The following FHIT variants were observed in gnomAD, a reference collection of about 807,000 sequenced individuals.
FHIT encodes the protein fragile histidine triad diadenosine triphosphatase.
Under a neutral mutation model 17.9 loss-of-function variants are expected in FHIT, and 19 were observed. The ratio of observed to expected loss-of-function variants is 1.06; its 90% CI spans 0.74 to 1.56. The LOEUF is 1.56. FHIT is among the 40% of genes most tolerant of loss of function. The probability of loss-of-function intolerance (pLI) is 0.00; values close to 1 mark genes in which losing one functional copy is unlikely to be tolerated. For missense variants in FHIT, 248 were observed against 189.2 expected, an observed-to-expected ratio of 1.31 and a Z score of -1.82; for synonymous variants, 81 against 69.7, an observed-to-expected ratio of 1.16 and a Z score of -0.81.
At chr3:61,165,299 G>A (rs2037804835) in intron 2 of FHIT, among the ~76,000 whole-genome samples, 1 of 152,100 alleles carries the variant, frequency 6.6e-6, no homozygotes, top group African/African-American at 2.4e-5. Flanking sequence ...TCACCAACAT[G>A]TGTTGTTTTT....
intron 3 of FHIT, among the ~76,000 whole-genome samples, chr3:61,008,759 T>C (rs1379918946): frequency 1.3e-5 from 2 of 152,198 alleles, no homozygotes; most frequent in African/African-American, 4.8e-5. Context: ...TGGCCCACAT[T>C]GGCAATTAAC....
intron 5 of FHIT, among the ~76,000 whole-genome samples, chr3:60,380,523 C>T (rs150475915): frequency 6.6e-6 from 1 of 152,206 alleles, no homozygotes; most frequent in African/African-American, 2.4e-5. Flanking sequence ...CATTTTACAG[C>T]GAGGATACTG....
intron 8 of FHIT, among the ~76,000 whole-genome samples, chr3:59,853,414 G>T (rs1702022536): frequency 6.6e-6 from 1 of 152,108 alleles, no homozygotes; most frequent in Admixed American, 6.6e-5. Flanking sequence ...TATCATTGAG[G>T]TACATCTTGT....
intron 5 of FHIT, among the ~76,000 whole-genome samples, chr3:60,321,515 TCTTCA>T (rs1311593811): frequency 6.6e-6 from 1 of 152,102 alleles, no homozygotes; most frequent in Non-Finnish European, 1.5e-5. Context: ...TAAAAGGTTA[TCTTCA>T]CTTAAGAGAT....
Position 60,536,971 on chromosome 3 carries a change from A to G in FHIT, c.-9T>C. The G allele has an allele frequency of 6.3e-7, 1 of 1,599,484 alleles. No individual in the cohort carries two copies. The highest frequency in any genetic ancestry group is 8.5e-7 in the Non-Finnish European group (1 of 1,175,460). ...CCAAATCTGAACGACATGTCCTCAC[A>G]GTTGAAGTCTAAAAGAAAAGACAAT... is the stretch of plus-strand genomic sequence containing the variant. On this transcript the variant is annotated 5_prime_UTR_variant, in exon 5 of 10. Coordinates refer to ENST00000492590, the MANE Select transcript of FHIT (RefSeq NM_002012.4).
At chr3:60,378,796 T>C (rs537827862) in intron 5 of FHIT, among the ~76,000 whole-genome samples, 1 of 152,314 alleles carries the variant, frequency 6.6e-6, no homozygotes, top group East Asian at 1.9e-4. Context: ...GGATGCAGAG[T>C]TCACAGTGAT....
chr3:60,553,109 A>C (rs2036614951), intron 4 of FHIT, among the ~76,000 whole-genome samples: 1 of 152,204 alleles, frequency 6.6e-6, no homozygotes, highest in Non-Finnish European at 1.5e-5. Context: ...GAATGGGTAA[A>C]TAATTATCTT....
chr3:60,124,007 TATAGAGAGAGAGAGAG>T (rs1229171138), intron 5 of FHIT, among the ~76,000 whole-genome samples: 9 of 17,770 alleles, frequency 5.1e-4, no homozygotes, highest in African/African-American at 1.6e-3. Flanking sequence ...TATATATATA[TATAGAGAGAGAGAGAG>T]AGAGAGAGAG....
intron 3 of FHIT, among the ~76,000 whole-genome samples, chr3:60,885,213 A>T (rs1705170157): frequency 6.6e-6 from 1 of 152,200 alleles, no homozygotes; most frequent in Admixed American, 6.5e-5. Context: ...TGTTCCTAAC[A>T]CAAAGAAATG....
chr3:61,070,216 A>G (rs1418029998), intron 2 of FHIT, among the ~76,000 whole-genome samples: 1 of 152,178 alleles, frequency 6.6e-6, no homozygotes, highest in African/African-American at 2.4e-5. Flanking sequence ...TTTGATTGGC[A>G]TGGTACCAGG....
intron 2 of FHIT, among the ~76,000 whole-genome samples, chr3:61,153,100 G>A (rs1002876444): frequency 2.7e-5 from 4 of 146,598 alleles, no homozygotes; most frequent in Non-Finnish European, 5.9e-5. Flanking sequence ...CCAAGATCAC[G>A]CTACTGTACT....
At chr3:61,249,351 T>A (rs1274426174) in intron 1 of FHIT, among the ~76,000 whole-genome samples, 1 of 152,210 alleles carries the variant, frequency 6.6e-6, no homozygotes, top group Admixed American at 6.5e-5. Flanking sequence ...ATATATGGAA[T>A]CTTTATTATA....
At chr3:60,117,005 T>C (rs556829658) in intron 5 of FHIT, among the ~76,000 whole-genome samples, 2 of 152,318 alleles carry the variant, frequency 1.3e-5, no homozygotes, top group African/African-American at 4.8e-5. Context: ...TGTTATTAAA[T>C]ACATCTTCTA....
chr3:60,347,084 A>G (rs115992146), intron 5 of FHIT, among the ~76,000 whole-genome samples: 2,146 of 151,526 alleles, frequency 0.014, 55 homozygotes, highest in African/African-American at 0.049. Context: ...TTTTTTTCCA[A>G]TGCAAAGATT....
intron 5 of FHIT, among the ~76,000 whole-genome samples, chr3:60,349,830 A>T (rs934591755): frequency 6.6e-6 from 1 of 152,192 alleles, no homozygotes; most frequent in Non-Finnish European, 1.5e-5. Flanking sequence ...ATCATATATG[A>T]TTATCATATT....
chr3:60,314,392 A>G (rs1038645304), intron 5 of FHIT, among the ~76,000 whole-genome samples: 2 of 152,174 alleles, frequency 1.3e-5, no homozygotes, highest in Non-Finnish European at 2.9e-5. Flanking sequence ...TGATTAAATA[A>G]AAGTCTAAGT....
At chr3:59,963,184 G>A (rs564677521) in intron 7 of FHIT, among the ~76,000 whole-genome samples, 9 of 152,044 alleles carry the variant, frequency 5.9e-5, no homozygotes, top group Non-Finnish European at 8.8e-5. Flanking sequence ...GCAGAATGGC[G>A]TGAACCCAGG....
intron 4 of FHIT, among the ~76,000 whole-genome samples, chr3:60,556,474 T>C (rs886177049): frequency 6.6e-6 from 1 of 152,214 alleles, no homozygotes; most frequent in African/African-American, 2.4e-5. Context: ...AAATGAGCAT[T>C]GGTTGAATAC....
intron 5 of FHIT, among the ~76,000 whole-genome samples, chr3:60,478,761 C>T (rs1430873605): frequency 6.6e-6 from 1 of 151,990 alleles, no homozygotes; most frequent in Non-Finnish European, 1.5e-5. Context: ...CATTTTTTTG[C>T]ACAAATGAAC....
Sources: gnomAD v4.1 joint callset for allele counts (sites outside exome capture counted in the v4.1 genomes callset) on GRCh38, gnomAD v4.1.1 for gene constraint, MANE v1.5 for transcripts, NCBI Gene and HGNC (gene_info 2026-07-23, HGNC 2026-07-21) for gene names.